The following USH2A variants were observed in gnomAD, a reference collection of about 807,000 sequenced individuals.
USH2A encodes usherin, also known as Usher syndrome 2A (autosomal recessive, mild).
A neutral mutation model predicts 538.9 loss-of-function variants in USH2A; 443 were observed. The observed-to-expected ratio is 0.82, with a 90% CI of 0.76 to 0.89. USH2A has a LOEUF of 0.89. USH2A is among the 40% of genes least tolerant of loss of function. The pLI is 0.00. For missense variants in USH2A, 6,633 were observed against 6,324.8 expected, an observed-to-expected ratio of 1.05 and a Z score of -1.65; for synonymous variants, 2,413 against 2,273.5, an observed-to-expected ratio of 1.06 and a Z score of -1.75.
chr1:215,925,443 T>C (rs1252848792), intron 38 of USH2A, among the ~76,000 whole-genome samples: 1 of 152,200 alleles, frequency 6.6e-6, no homozygotes, highest in Non-Finnish European at 1.5e-5. Flanking sequence ...AAGTAAAACA[T>C]TATGCACAAC....
At chr1:216,086,916 C>CA (rs2032153437) in intron 23 of USH2A, 96 bp from the exon 24 acceptor site, 5 of 935,686 alleles carry the variant, frequency 5.3e-6, no homozygotes, top group Non-Finnish European at 8.5e-6. Flanking sequence ...TTTGGGATAC[C>CA]ACTCTCTTGG....
At chr1:215,672,343 A>T (rs2797231) in intron 63 of USH2A, among the ~76,000 whole-genome samples, 94,463 of 151,802 alleles carry the variant, frequency 0.62, 31,291 homozygotes, top group South Asian at 0.75. Flanking sequence ...GTTCTTGTAC[A>T]TGTTCTGTCT....
chr1:216,042,163 G>C lies in USH2A; in HGVS notation c.6325+4268C>G, dbSNP rs539187506. ...ATTTTTACAAAAATGTTTAATGATA[G>C]GATATAGTCATAATATAATAAGGGA... On this transcript the variant is annotated intron_variant, in intron 32 of 71. Coordinates refer to ENST00000307340, the MANE Select transcript of USH2A (RefSeq NM_206933.4). Among the ~76,000 whole-genome samples, 3 of 151,984 alleles carry C rather than the reference G, an allele frequency of 2.0e-5. No individual in the cohort carries two copies. The South Asian group carries it at 6.2e-4, about 32-fold the overall frequency.
chr1:215,644,566 A>G (rs552954519), intron 67 of USH2A, among the ~76,000 whole-genome samples: 1 of 152,344 alleles, frequency 6.6e-6, no homozygotes, highest in South Asian at 2.1e-4. Flanking sequence ...CCAAAGAAGT[A>G]GAGGAGAAAC....
rs372618917 is a variant in USH2A, at chr1:216,059,054, C to T, written c.6050-10407G>A. On this transcript the variant is annotated intron_variant, in intron 30 of 71. Transcript: ENST00000307340. ...TTGAATAGAAAAAAAAATTTCACGG[C>T]GTTGAATTACAGTCATTTCTCTGCA... is the stretch of plus-strand genomic sequence containing the variant. Among the ~76,000 whole-genome samples the T allele has an allele frequency of 9.9e-5, 15 of 151,970 alleles. No homozygotes were observed. In the East Asian group the frequency reaches 2.3e-3, roughly 24 times the overall value.
chr1:216,101,127 C>T (rs2032568258), intron 21 of USH2A, among the ~76,000 whole-genome samples: 2 of 152,120 alleles, frequency 1.3e-5, no homozygotes, highest in South Asian at 2.1e-4. Flanking sequence ...ATTAAAAATG[C>T]ACACGTTCAC....
intron 38 of USH2A, among the ~76,000 whole-genome samples, chr1:215,902,355 C>T (rs1387640228): frequency 5.5e-4 from 84 of 152,156 alleles, no homozygotes; most frequent in Non-Finnish European, 2.9e-5. Context: ...TTACATGTTT[C>T]ATCAATCTGC....
At chr1:215,732,506 T>C (rs1660026103) in intron 60 of USH2A, among the ~76,000 whole-genome samples, 1 of 147,936 alleles carries the variant, frequency 6.8e-6, no homozygotes, top group Non-Finnish European at 1.5e-5. Flanking sequence ...TCTGGCAATA[T>C]CCCTCCCAAT....
At chr1:215,665,498 C>T (rs1054127928) in intron 64 of USH2A, among the ~76,000 whole-genome samples, 12 of 152,154 alleles carry the variant, frequency 7.9e-5, no homozygotes, top group Admixed American at 6.5e-5. Context: ...CTATCAAATC[C>T]GTGGTGAGTC....
chr1:215,824,804 A>G (rs956607456), intron 47 of USH2A, among the ~76,000 whole-genome samples: 3 of 152,184 alleles, frequency 2.0e-5, no homozygotes, highest in Non-Finnish European at 4.4e-5. Context: ...CAGTGCAGAA[A>G]TCAAGGGTCA....
chr1:215,649,760 T>C (rs1242058985), intron 65 of USH2A, among the ~76,000 whole-genome samples: 1 of 152,170 alleles, frequency 6.6e-6, no homozygotes, highest in Non-Finnish European at 1.5e-5. Context: ...CATAGTGTAA[T>C]ACCAGGATCT....
At chr1:216,330,951 A>AG (rs1416853979) in intron 4 of USH2A, among the ~76,000 whole-genome samples, 1 of 152,064 alleles carries the variant, frequency 6.6e-6, no homozygotes, top group African/African-American at 2.4e-5. Flanking sequence ...GCTCTGCTGC[A>AG]GGGGGATAAT....
intron 40 of USH2A, among the ~76,000 whole-genome samples, chr1:215,889,795 T>C (rs1464271395): frequency 2.0e-5 from 3 of 152,164 alleles, no homozygotes; most frequent in Non-Finnish European, 4.4e-5. Flanking sequence ...GCATAGGTGT[T>C]GTGGAACAGC....
chr1:215,798,265 A>G (rs1182432505), intron 50 of USH2A, among the ~76,000 whole-genome samples: 1 of 152,188 alleles, frequency 6.6e-6, no homozygotes, highest in East Asian at 1.9e-4. Flanking sequence ...CATTAACTTC[A>G]TATTTTAATT....
intron 8 of USH2A, among the ~76,000 whole-genome samples, chr1:216,322,768 C>T (rs543163080): frequency 6.6e-6 from 1 of 151,754 alleles, no homozygotes; most frequent in Non-Finnish European, 1.5e-5. Context: ...ACAAACAATG[C>T]TTATATACTG....
At chr1:216,387,756 T>A (rs2039031203) in intron 3 of USH2A, among the ~76,000 whole-genome samples, 1 of 152,190 alleles carries the variant, frequency 6.6e-6, no homozygotes, top group East Asian at 1.9e-4. Flanking sequence ...ACAGGGTTTT[T>A]AATGCTCTGT....
intron 67 of USH2A, among the ~76,000 whole-genome samples, chr1:215,641,900 G>A (rs1218330753): frequency 6.6e-6 from 1 of 152,128 alleles, no homozygotes; most frequent in African/African-American, 2.4e-5. Context: ...CAAAACAAGA[G>A]TTATCAAGCC....
At chr1:216,348,947 A>C (rs373751050) in intron 4 of USH2A, among the ~76,000 whole-genome samples, 2 of 152,282 alleles carry the variant, frequency 1.3e-5, no homozygotes, top group South Asian at 4.1e-4. Context: ...ACTAGCAACC[A>C]CATATTAGCT....
chr1:216,027,339 T>C (rs1668993569), intron 32 of USH2A, among the ~76,000 whole-genome samples: 1 of 152,138 alleles, frequency 6.6e-6, no homozygotes, highest in Non-Finnish European at 1.5e-5. Flanking sequence ...GAGAGAGGCC[T>C]CAGAGGAAAC....
Sources: allele counts gnomAD v4.1 joint callset (sites outside exome capture counted in the v4.1 genomes callset), GRCh38; gene constraint gnomAD v4.1.1; transcripts MANE v1.5; gene names NCBI Gene and HGNC (gene_info 2026-07-23, HGNC 2026-07-21).